Variants in NRG1 observed in about 807,000 individuals in gnomAD.
The protein encoded by NRG1 is neuregulin 1, also known as pro-neuregulin-1, membrane-bound isoform.
NRG1 carries 18 observed loss-of-function variants against 63.8 expected under a neutral mutation model. The ratio of observed to expected loss-of-function variants is 0.28; its 90% confidence interval spans 0.19 to 0.42. The LOEUF is 0.42. Ranked by LOEUF, NRG1 falls within the 10% of genes least tolerant of loss-of-function variation. The probability of loss-of-function intolerance (pLI) is 1.00; values close to 1 mark genes in which losing one functional copy is unlikely to be tolerated. For synonymous variants in NRG1, 302 were observed against 301.3 expected (o/e 1.00, Z -0.02); for missense variants, 762 against 814.7 (o/e 0.94, Z 0.79).
chr8:31,770,192 G>A (rs1393259415), intron 1 of NRG1, among the ~76,000 whole-genome samples: 1 of 152,128 alleles, frequency 6.6e-6, no homozygotes, highest in Non-Finnish European at 1.5e-5. Context: ...CTTTGACATT[G>A]TGCCGCCTGT....
chr8:32,149,608 T>C (rs1406545499), intron 1 of NRG1, among the ~76,000 whole-genome samples: 2 of 152,244 alleles, frequency 1.3e-5, no homozygotes, highest in Non-Finnish European at 2.9e-5. Flanking sequence ...TTTTTGATGC[T>C]AGAGCATTCT....
At chr8:32,176,681 A>C (rs1280088017) in intron 1 of NRG1, among the ~76,000 whole-genome samples, 1 of 152,232 alleles carries the variant, frequency 6.6e-6, no homozygotes, top group Admixed American at 6.5e-5. Flanking sequence ...ATGAACAGAC[A>C]CTTCTCAAAA....
At chr8:31,872,157 G>A (rs868585414) in intron 1 of NRG1, among the ~76,000 whole-genome samples, 1 of 152,204 alleles carries the variant, frequency 6.6e-6, no homozygotes, top group Non-Finnish European at 1.5e-5. Context: ...CTTAGATGCC[G>A]TGGGGATGGC....
intron 1 of NRG1, among the ~76,000 whole-genome samples, chr8:32,068,201 C>G: frequency 6.6e-6 from 1 of 152,114 alleles, no homozygotes. Flanking sequence ...ACAGTTTTAT[C>G]TTCTGTAAAA....
At chr8:32,514,980 T>C (rs541423740) in intron 1 of NRG1, among the ~76,000 whole-genome samples, 1 of 80,344 alleles carries the variant, frequency 1.2e-5, no homozygotes, top group East Asian at 1.5e-3. Context: ...TGTGTAGTAT[T>C]CCATGGTGTA....
chr8:31,950,433 A>C (rs1803293114), intron 1 of NRG1, among the ~76,000 whole-genome samples: 1 of 152,232 alleles, frequency 6.6e-6, no homozygotes, highest in Non-Finnish European at 1.5e-5. Context: ...TCTTTCCTAG[A>C]TTAAGTTGAC....
intron 1 of NRG1, among the ~76,000 whole-genome samples, chr8:32,340,380 G>A (rs1459076149): frequency 6.6e-6 from 1 of 152,114 alleles, no homozygotes; most frequent in East Asian, 1.9e-4. Context: ...AAATCCTAGA[G>A]GGCAAAACAG....
At chr8:32,762,810 T>G (rs1372746389) in intron 11 of NRG1, among the ~76,000 whole-genome samples, 1 of 152,158 alleles carries the variant, frequency 6.6e-6, no homozygotes, top group Non-Finnish European at 1.5e-5. Flanking sequence ...GTGCCAAAAG[T>G]CAGGACTTCT....
intron 1 of NRG1, among the ~76,000 whole-genome samples, chr8:32,006,200 G>T (rs1388246298): frequency 6.6e-6 from 1 of 152,018 alleles, no homozygotes; most frequent in Non-Finnish European, 1.5e-5. Flanking sequence ...ACATAGATCA[G>T]ATTGCCTTTG....
chr8:32,663,411 A>G (rs1255560359), intron 5 of NRG1, among the ~76,000 whole-genome samples: 1 of 152,098 alleles, frequency 6.6e-6, no homozygotes, highest in East Asian at 1.9e-4. Context: ...TCTTTTATCC[A>G]TGTACAGATG....
At chr8:32,706,563 G>GTA (rs1816476839) in intron 5 of NRG1, among the ~76,000 whole-genome samples, 1 of 151,926 alleles carries the variant, frequency 6.6e-6, no homozygotes, top group Admixed American at 6.6e-5. Context: ...GTGTGTGTGT[G>GTA]TGTGTGTGTT....
intron 1 of NRG1, among the ~76,000 whole-genome samples, chr8:32,549,231 C>G (rs188820018): frequency 3.3e-5 from 5 of 152,366 alleles, no homozygotes; most frequent in Admixed American, 2.0e-4. Flanking sequence ...CGTGTGCCCT[C>G]TAGCGGGAAA....
chr8:31,894,250 C>T (rs1831379504), intron 1 of NRG1, among the ~76,000 whole-genome samples: 1 of 152,010 alleles, frequency 6.6e-6, no homozygotes, highest in African/African-American at 2.4e-5. Context: ...TGAATATAAC[C>T]AACAGTTTAT....
intron 1 of NRG1, among the ~76,000 whole-genome samples, chr8:31,659,477 C>T (rs967736251): frequency 2.6e-5 from 4 of 151,946 alleles, no homozygotes; most frequent in African/African-American, 7.2e-5. Flanking sequence ...AACTGAGGCT[C>T]CCCCAGGGGC....
rs57018414 is a variant in NRG1 at position 31,934,321 on chromosome 8, A to C, written c.37+294890A>C. ...TATATATGTGTACATGTGTGTATAT[A>C]TATGTGTGTGTATATATACATATAT... On this transcript the variant is annotated intron_variant, in intron 1 of 10. Transcript: ENST00000519301. Among the ~76,000 whole-genome samples, 1,035 of 151,376 alleles carry C rather than the reference A, an allele frequency of 6.8e-3. 11 individuals are homozygous for C. Among genetic ancestry groups the C allele is most frequent in the African/African-American group, 0.024 (995 of 41,170 alleles).
chr8:31,960,790 G>A (rs560645446), intron 1 of NRG1, among the ~76,000 whole-genome samples: 2 of 152,314 alleles, frequency 1.3e-5, no homozygotes, highest in African/African-American at 4.8e-5. Context: ...AGGTACAGGA[G>A]TGTTACATAA....
intron 1 of NRG1, among the ~76,000 whole-genome samples, chr8:32,001,069 A>G (rs771585863): frequency 6.6e-6 from 1 of 152,080 alleles, no homozygotes; most frequent in Non-Finnish European, 1.5e-5. Flanking sequence ...ATTTCCCTCT[A>G]CCATGTTCCC....
intron 1 of NRG1, among the ~76,000 whole-genome samples, chr8:31,729,014 G>C (rs1323932951): frequency 6.6e-6 from 1 of 152,120 alleles, no homozygotes; most frequent in Non-Finnish European, 1.5e-5. Context: ...TGTTAGTTTT[G>C]AGGTAATAAC....
chr8:32,616,908 T>C (rs370343447), intron 5 of NRG1, 23 bp downstream of exon 5: 3 of 1,538,698 alleles, frequency 1.9e-6, no homozygotes, highest in Middle Eastern at 1.7e-4. Flanking sequence ...AAATATTCTA[T>C]TCACTGGTTT....
Sources: allele counts gnomAD v4.1 joint callset (sites outside exome capture counted in the v4.1 genomes callset), GRCh38; gene constraint gnomAD v4.1.1; transcripts MANE v1.5; gene names NCBI Gene and HGNC (gene_info 2026-07-23, HGNC 2026-07-21).